Variants in PPP1R12B observed in about 807,000 individuals in gnomAD.
The protein encoded by PPP1R12B is myosin phosphatase target subunit 2.
A neutral mutation model predicts 126.1 loss-of-function variants in PPP1R12B; 76 were observed. That is an observed-to-expected ratio of 0.60 (90% CI 0.50 to 0.73). The LOEUF (loss-of-function observed/expected upper bound fraction) is 0.73. Among genes scored for constraint, PPP1R12B ranks in the 30% least tolerant of loss-of-function variants. PPP1R12B has a pLI of 0.00. For synonymous variants in PPP1R12B, 356 were observed against 434.7 expected (o/e 0.82, Z 2.25); for missense variants, 1,052 against 1,205.1 (o/e 0.87, Z 1.88).
chr1:202,554,286 G>A (rs1234813651), intron 18 of PPP1R12B, among the ~76,000 whole-genome samples: 1 of 152,140 alleles, frequency 6.6e-6, no homozygotes, highest in East Asian at 1.9e-4. Context: ...AAGCTATCTT[G>A]TCTTACTCTT....
chr1:202,518,976 C>T (rs1682462032), intron 18 of PPP1R12B, among the ~76,000 whole-genome samples: 1 of 152,184 alleles, frequency 6.6e-6, no homozygotes, highest in Non-Finnish European at 1.5e-5. Flanking sequence ...TGATGCAATA[C>T]ACTGTGCCTC....
intron 1 of PPP1R12B, among the ~76,000 whole-genome samples, chr1:202,382,215 T>C (rs1401910334): frequency 2.1e-5 from 3 of 143,274 alleles, no homozygotes; most frequent in Non-Finnish European, 4.5e-5. Context: ...TAGGTGGGAA[T>C]TGAACAATGA....
intron 18 of PPP1R12B, chr1:202,503,031 A>G (rs1680402380): frequency 6.6e-6 from 1 of 152,210 alleles, no homozygotes; most frequent in Admixed American, 6.5e-5. Context: ...TATATTTTAA[A>G]GGATTACTGC....
intron 15 of PPP1R12B, among the ~76,000 whole-genome samples, chr1:202,494,705 C>CA (rs554760520): frequency 2.7e-3 from 368 of 134,154 alleles, no homozygotes; most frequent in East Asian, 0.022. Flanking sequence ...GACTCCGTCT[C>CA]AAAAAAAAAA....
intron 18 of PPP1R12B, among the ~76,000 whole-genome samples, chr1:202,548,326 C>T (rs1685864000): frequency 6.6e-6 from 1 of 152,106 alleles, no homozygotes; most frequent in Non-Finnish European, 1.5e-5. Context: ...AACAGACAAA[C>T]CTAGATTAGT....
intron 18 of PPP1R12B, among the ~76,000 whole-genome samples, chr1:202,528,530 G>A (rs1354391849): frequency 6.6e-6 from 1 of 152,190 alleles, no homozygotes; most frequent in African/African-American, 2.4e-5. Context: ...TCTTAGAACA[G>A]TGCATATGTA....
intron 18 of PPP1R12B, among the ~76,000 whole-genome samples, chr1:202,545,580 T>C (rs1191949802): frequency 2.0e-5 from 3 of 152,264 alleles, no homozygotes; most frequent in African/African-American, 7.2e-5. Context: ...AGGCTTTATA[T>C]TGGACACCAG....
At chr1:202,573,137 G>T (rs535578392) in intron 23 of PPP1R12B, among the ~76,000 whole-genome samples, 48 of 151,944 alleles carry the variant, frequency 3.2e-4, no homozygotes, top group Non-Finnish European at 5.7e-4. Flanking sequence ...GAGAGCCAGG[G>T]ACTTTCCATT....
intron 1 of PPP1R12B, among the ~76,000 whole-genome samples, chr1:202,380,541 A>C (rs551575734): frequency 1.1e-4 from 16 of 152,168 alleles, no homozygotes; most frequent in Non-Finnish European, 2.1e-4. Context: ...GTGAATGTTC[A>C]AGCTGTATAC....
chr1:202,479,154 T>C (rs1463828797), intron 13 of PPP1R12B, among the ~76,000 whole-genome samples: 3 of 152,154 alleles, frequency 2.0e-5, no homozygotes, highest in Non-Finnish European at 4.4e-5. Context: ...TAAGGAAATA[T>C]GCAAACCTAC....
chr1:202,575,081 G>A (rs201194655), intron 23 of PPP1R12B: 102 of 1,613,466 alleles, frequency 6.3e-5, no homozygotes, highest in Admixed American at 1.5e-4. Context: ...GCCCTGACCC[G>A]AGTGGTGGCC....
chr1:202,377,832 G>GT (rs74860606), intron 1 of PPP1R12B, among the ~76,000 whole-genome samples: 20,537 of 96,506 alleles, frequency 0.21, 5,739 homozygotes, highest in African/African-American at 0.29. Context: ...AAAGACAGGT[G>GT]TTTTTTTTTT....
intron 1 of PPP1R12B, among the ~76,000 whole-genome samples, chr1:202,349,383 C>T (rs1409706223): frequency 2.0e-5 from 3 of 152,194 alleles, no homozygotes; most frequent in Non-Finnish European, 4.4e-5. Context: ...TTCCCTCCAC[C>T]TACTTGTGTT....
intron 13 of PPP1R12B, among the ~76,000 whole-genome samples, chr1:202,452,236 C>T (rs1397502257): frequency 6.6e-6 from 1 of 152,190 alleles, no homozygotes; most frequent in Admixed American, 6.5e-5. Flanking sequence ...CGAGATCACG[C>T]CACTGCACTC....
intron 13 of PPP1R12B, among the ~76,000 whole-genome samples, chr1:202,454,058 A>C (rs1673325889): frequency 6.6e-6 from 1 of 152,246 alleles, no homozygotes; most frequent in Admixed American, 6.5e-5. Context: ...TTCTGAGCTG[A>C]AAGAAGTAAA....
intron 1 of PPP1R12B, among the ~76,000 whole-genome samples, chr1:202,410,766 T>C (rs1177203727): frequency 6.6e-6 from 1 of 152,246 alleles, no homozygotes; most frequent in Non-Finnish European, 1.5e-5. Flanking sequence ...ATTTATTACC[T>C]GGCAGTTTTT....
intron 1 of PPP1R12B, among the ~76,000 whole-genome samples, chr1:202,414,948 A>G (rs1667874217): frequency 6.6e-6 from 1 of 151,960 alleles, no homozygotes; most frequent in Admixed American, 6.6e-5. Context: ...ATGCCTAGCT[A>G]ATTTTTAATT....
Position 202,565,978 on chromosome 1 carries a change from A to G in PPP1R12B, c.2757+1431A>G, listed in dbSNP as rs183320817. ...ATTTTTATTCTGAATGGCGCCACAT[A>G]TTGGCAGTGGTTTATAAATACAGAT... On this transcript the variant is annotated intron_variant, in intron 21 of 23. Coordinates refer to ENST00000608999, the MANE Select transcript of PPP1R12B (RefSeq NM_002481.4). The surrounding 1 kb of genome is among the most constrained non-coding windows in gnomAD (Gnocchi z 4.3). 8.4e-4 allele frequency among the ~76,000 whole-genome samples: 128 copies of G among 152,138 alleles called. No homozygotes were observed. In the Middle Eastern group the frequency reaches 0.01, roughly 12 times the overall value.
In PPP1R12B at chr1:202,536,258, A is replaced by G. The variant is rs530196882; in HGVS notation, c.2491-22619A>G. On this transcript the variant is annotated intron_variant, in intron 18 of 23. Coordinates refer to ENST00000608999, the MANE Select transcript of PPP1R12B (RefSeq NM_002481.4). ...AAGAGTGAATTTAACACAAACCTAG[A>G]TGGTACAGCCTACTACACACCTAGG... Among the ~76,000 whole-genome samples the G allele has an allele frequency of 1.4e-4, 22 of 152,310 alleles. No homozygotes were observed. In the East Asian group the frequency reaches 3.3e-3, roughly 23 times the overall value.
Sources: gnomAD v4.1 joint callset for allele counts (sites outside exome capture counted in the v4.1 genomes callset) on GRCh38, gnomAD v4.1.1 for gene constraint, Gnocchi (gnomAD v3.1) non-coding constraint, MANE v1.5 for transcripts, NCBI Gene and HGNC (gene_info 2026-07-23, HGNC 2026-07-21) for gene names.